LMX1A: variants seen among roughly 807,000 people sequenced by gnomAD.
LMX1A encodes the protein LIM homeobox transcription factor 1-alpha.
Under a neutral mutation model 49.1 loss-of-function variants are expected in LMX1A, and 15 were observed. The ratio of observed to expected loss-of-function variants is 0.31; its 90% CI spans 0.20 to 0.47. The LOEUF (loss-of-function observed/expected upper bound fraction) is 0.47, where lower values mean the gene tolerates loss of function less well. Ranked by LOEUF, LMX1A falls within the 20% of genes least tolerant of loss-of-function variation. The probability of loss-of-function intolerance (pLI) is 1.00; values close to 1 mark genes in which losing one functional copy is unlikely to be tolerated. For missense variants in LMX1A, 372 were observed against 475.8 expected (o/e 0.78, Z 2.03); for synonymous variants, 167 against 185.7 (o/e 0.90, Z 0.82).
chr1:165,350,118 A>G (rs1383081495), intron 3 of LMX1A, among the ~76,000 whole-genome samples: 1 of 131,198 alleles, frequency 7.6e-6, no homozygotes, highest in East Asian at 2.2e-4. Context: ...CTTAACTTTC[A>G]CCTCATTTTC....
At chr1:165,207,855 A>T (rs1409669670) in intron 7 of LMX1A, among the ~76,000 whole-genome samples, 1 of 152,198 alleles carries the variant, frequency 6.6e-6, no homozygotes, top group Non-Finnish European at 1.5e-5. Context: ...CCCAATCAGC[A>T]GTTCTAAGCC....
chr1:165,251,898 G>A (rs557677592), intron 3 of LMX1A, among the ~76,000 whole-genome samples: 12 of 152,222 alleles, frequency 7.9e-5, no homozygotes, highest in South Asian at 4.2e-4. Flanking sequence ...TATGAAAAGT[G>A]GTGGGCACTG....
At chr1:165,324,035 T>C (rs1365535339) in intron 3 of LMX1A, among the ~76,000 whole-genome samples, 1 of 152,228 alleles carries the variant, frequency 6.6e-6, no homozygotes, top group Non-Finnish European at 1.5e-5. Context: ...ACTCTATATG[T>C]AGCTACACTA....
At chr1:165,279,299 G>T (rs1654070527) in intron 3 of LMX1A, among the ~76,000 whole-genome samples, 1 of 152,230 alleles carries the variant, frequency 6.6e-6, no homozygotes, top group Admixed American at 6.5e-5. Flanking sequence ...TGCCTCTGCG[G>T]TCAGCAAGCA....
At chr1:165,263,005 T>G (rs559004621) in intron 3 of LMX1A, among the ~76,000 whole-genome samples, 231 of 152,284 alleles carry the variant, frequency 1.5e-3, no homozygotes, top group African/African-American at 5.4e-3. Flanking sequence ...ATCAATCATT[T>G]GGCTTCCAGG....
chr1:165,229,876 G>T (rs2102619395), intron 4 of LMX1A, among the ~76,000 whole-genome samples: 1 of 152,288 alleles, frequency 6.6e-6, no homozygotes, highest in Non-Finnish European at 1.5e-5. Flanking sequence ...CTTACATTGG[G>T]AAATGCAGAC....
chr1:165,300,841 A>T (rs1162848346), intron 3 of LMX1A, among the ~76,000 whole-genome samples: 1 of 152,100 alleles, frequency 6.6e-6, no homozygotes, highest in Non-Finnish European at 1.5e-5. Flanking sequence ...GCTTCTCCTC[A>T]TTCATGATTC....
At chr1:165,304,632 T>C (rs56129825) in intron 3 of LMX1A, among the ~76,000 whole-genome samples, 2,529 of 152,034 alleles carry the variant, frequency 0.017, 29 homozygotes, top group Admixed American at 0.029. Context: ...ATTCCCCTGC[T>C]TCAAGCTTTT....
chr1:165,336,955 TG>T (rs772744795), intron 3 of LMX1A, among the ~76,000 whole-genome samples: 9 of 152,152 alleles, frequency 5.9e-5, no homozygotes, highest in Non-Finnish European at 1.0e-4. Context: ...TATGGGAAGA[TG>T]GGGAGAGTAG....
At chr1:165,299,479 A>G (rs978610194) in intron 3 of LMX1A, among the ~76,000 whole-genome samples, 4 of 152,244 alleles carry the variant, frequency 2.6e-5, no homozygotes, top group Non-Finnish European at 4.4e-5. Context: ...TCTGCCTGAA[A>G]GATATCATTA....
chr1:165,259,376 A>G (rs1653356013), intron 3 of LMX1A, among the ~76,000 whole-genome samples: 1 of 152,218 alleles, frequency 6.6e-6, no homozygotes, highest in Non-Finnish European at 1.5e-5. Flanking sequence ...CACCCAGCAT[A>G]TGTTCAGGAA....
At chr1:165,327,693 G>A (rs1430295033) in intron 3 of LMX1A, among the ~76,000 whole-genome samples, 1 of 152,210 alleles carries the variant, frequency 6.6e-6, no homozygotes, top group East Asian at 1.9e-4. Flanking sequence ...CTGGACTGTA[G>A]GAGCCACTTG....
intron 2 of LMX1A, among the ~76,000 whole-genome samples, chr1:165,354,185 T>A (rs1656522835): frequency 6.6e-6 from 1 of 151,982 alleles, no homozygotes; most frequent in Non-Finnish European, 1.5e-5. Context: ...CTTGCCCTTG[T>A]CCCCCCAGTA....
chr1:165,334,977 G>GC (rs780660965), intron 3 of LMX1A, among the ~76,000 whole-genome samples: 18 of 152,276 alleles, frequency 1.2e-4, no homozygotes, highest in Admixed American at 7.2e-4. Context: ...AATTCTTCCC[G>GC]CAAGTCCTGA....
intron 4 of LMX1A, among the ~76,000 whole-genome samples, chr1:165,245,563 C>T (rs1038376690): frequency 2.6e-5 from 4 of 151,272 alleles, no homozygotes; most frequent in South Asian, 2.1e-4. Flanking sequence ...CTCTCTGGTT[C>T]GTCAATGACC....
intron 3 of LMX1A, among the ~76,000 whole-genome samples, chr1:165,323,804 C>T (rs1557884992): frequency 6.6e-6 from 1 of 151,972 alleles, no homozygotes; most frequent in Non-Finnish European, 1.5e-5. Context: ...GTTCTCAATA[C>T]TTTCACATCT....
intron 5 of LMX1A, 95 bp downstream of exon 5, chr1:165,213,546 C>A: frequency 8.5e-7 from 1 of 1,182,218 alleles, no homozygotes; most frequent in Non-Finnish European, 1.2e-6. Context: ...TTCCTCACCA[C>A]TGTGACCCCC....
At chr1:165,291,625 T>C (rs1654468369) in intron 3 of LMX1A, among the ~76,000 whole-genome samples, 1 of 152,228 alleles carries the variant, frequency 6.6e-6, no homozygotes, top group African/African-American at 2.4e-5. Flanking sequence ...GATTCATTTA[T>C]TCTTCATTTC....
intron 3 of LMX1A, among the ~76,000 whole-genome samples, chr1:165,281,444 T>C (rs1487052972): frequency 6.6e-6 from 1 of 152,186 alleles, no homozygotes; most frequent in Non-Finnish European, 1.5e-5. Context: ...ATTTAAGTGG[T>C]GATCGCTGCA....
Sources: gnomAD v4.1 joint callset for allele counts (sites outside exome capture counted in the v4.1 genomes callset) on GRCh38, gnomAD v4.1.1 for gene constraint, MANE v1.5 for transcripts, NCBI Gene and HGNC (gene_info 2026-07-23, HGNC 2026-07-21) for gene names.